MIS18A: variants seen among roughly 807,000 people sequenced by gnomAD.
MIS18A encodes MIS18 kinetochore protein A, also known as protein Mis18-alpha.
MIS18A carries 14 observed loss-of-function variants against 25.0 expected under a neutral mutation model. The ratio of observed to expected loss-of-function variants is 0.56; its 90% CI spans 0.37 to 0.88. The LOEUF is 0.88. Among genes scored for constraint, MIS18A ranks in the 40% least tolerant of loss-of-function variants. MIS18A has a pLI of 0.00. For synonymous variants in MIS18A, 134 were observed against 118.6 expected, an observed-to-expected ratio of 1.13 and a Z score of -0.84; for missense variants, 292 against 290.8, an observed-to-expected ratio of 1.00 and a Z score of -0.03.
At chr21:32,231,299 A>T in the MIS18A span, among the ~76,000 whole-genome samples, 5 of 152,216 alleles carry the variant, frequency 3.3e-5, no homozygotes, top group Admixed American at 2.0e-4. Context: ...CACATATCTG[A>T]TAAAGACTTG....
At chr21:32,158,719 C>T in the MIS18A span, among the ~76,000 whole-genome samples, 1 of 152,166 alleles carries the variant, frequency 6.6e-6, no homozygotes, top group Non-Finnish European at 1.5e-5. Context: ...AGGTGATCTG[C>T]CTGCCTTGGC....
At chr21:32,270,303 TG>T (rs1243376769) in intron 3 of MIS18A, 103 bp downstream of exon 3, 32 of 1,360,876 alleles carry the variant, frequency 2.4e-5, no homozygotes, top group Non-Finnish European at 3.2e-5. Flanking sequence ...AATCATTACT[TG>T]AAAATATATT....
chr21:32,252,556 T>C, the MIS18A span, among the ~76,000 whole-genome samples: 78,492 of 151,990 alleles, frequency 0.52, 21,820 homozygotes, highest in African/African-American at 0.73. Flanking sequence ...TTTAATGTAG[T>C]ATTTATTCAT....
the MIS18A span, among the ~76,000 whole-genome samples, chr21:32,259,217 G>C: frequency 1.5e-4 from 23 of 152,138 alleles, no homozygotes; most frequent in African/African-American, 5.5e-4. Flanking sequence ...CCCACCCTGA[G>C]AGTGGCCAGG....
chr21:32,252,290 AGAG>A, the MIS18A span, among the ~76,000 whole-genome samples: 316 of 142,916 alleles, frequency 2.2e-3, 1 homozygote, highest in Middle Eastern at 7.5e-3. Context: ...GGAAGAGAGA[AGAG>A]GAGGAGGAAA....
the MIS18A span, among the ~76,000 whole-genome samples, chr21:32,206,048 TC>T: frequency 2.0e-5 from 3 of 152,036 alleles, no homozygotes; most frequent in Non-Finnish European, 2.9e-5. Context: ...AATCCAGTGG[TC>T]CCCCCATCCA....
In MIS18A at chr21:32,278,742, C is replaced by T. The variant is rs761282245; in HGVS notation, c.273G>A (p.Pro91=). The change falls in exon 1 of 5, where the codon CCG becomes CCA. Residue 91 remains proline, a synonymous_variant. Coordinates refer to ENST00000290130, the MANE Select transcript of MIS18A (RefSeq NM_018944.3). ...LVFLCSGCRR[P]LGDSLSWVAS... ...CCACCCAGCTCAGCGAGTCGCCCAG[C>T]GGCCGCCGGCAGCCGGAGCACAGGA... 1 of 1,578,324 alleles carries T rather than the reference C, an allele frequency of 6.3e-7. No individual in the cohort carries two copies. Among genetic ancestry groups the T allele is most frequent in the Non-Finnish European group, 8.6e-7 (1 of 1,168,552 alleles).
At chr21:32,239,467 A>AT in the MIS18A span, among the ~76,000 whole-genome samples, 1 of 152,186 alleles carries the variant, frequency 6.6e-6, no homozygotes, top group Non-Finnish European at 1.5e-5. Context: ...AATCCCAATC[A>AT]TTTTCACCCA....
chr21:32,167,747 CTCT>C, the MIS18A span, among the ~76,000 whole-genome samples: 2 of 152,136 alleles, frequency 1.3e-5, no homozygotes, highest in Non-Finnish European at 2.9e-5. Context: ...GTATTACAAA[CTCT>C]AAGCAAAGCA....
chr21:32,270,193 TCA>T (rs576452819), intron 3 of MIS18A, among the ~76,000 whole-genome samples: 26 of 151,900 alleles, frequency 1.7e-4, no homozygotes, highest in Non-Finnish European at 2.5e-4. Flanking sequence ...AAAAATTTTC[TCA>T]CAGTGTTTTC....
At chr21:32,252,590 A>G in the MIS18A span, among the ~76,000 whole-genome samples, 2 of 152,110 alleles carry the variant, frequency 1.3e-5, no homozygotes, top group Admixed American at 6.5e-5. Flanking sequence ...GAATGAGTGT[A>G]CTCTCATCCC....
the MIS18A span, among the ~76,000 whole-genome samples, chr21:32,173,294 C>T: frequency 6.6e-6 from 1 of 152,062 alleles, no homozygotes; most frequent in African/African-American, 2.4e-5. Flanking sequence ...TCGACCATAA[C>T]AAATGGGGGC....
the MIS18A span, among the ~76,000 whole-genome samples, chr21:32,214,170 C>T: frequency 1.3e-5 from 2 of 152,160 alleles, no homozygotes; most frequent in African/African-American, 2.4e-5. Flanking sequence ...TGACCCCACA[C>T]CCCACCTCTC....
chr21:32,225,025 GGGAAA>G, the MIS18A span, among the ~76,000 whole-genome samples: 832 of 141,730 alleles, frequency 5.9e-3, 11 homozygotes, highest in African/African-American at 0.02. Flanking sequence ...ACAAGCAGTG[GGGAAA>G]GGATTCCCTA....
At chr21:32,250,192 T>C in the MIS18A span, among the ~76,000 whole-genome samples, 29,444 of 152,002 alleles carry the variant, frequency 0.19, 3,065 homozygotes, top group East Asian at 0.24. Flanking sequence ...TTTTTCCAAA[T>C]TGGAAATCTT....
At chr21:32,263,649 T>A (rs2031546367), downstream of MIS18A, among the ~76,000 whole-genome samples, 1 of 151,906 alleles carries the variant, frequency 6.6e-6, no homozygotes, top group South Asian at 2.1e-4. Flanking sequence ...TAAAAAAAAA[T>A]GAGTTTCATT....
At chr21:32,229,606 C>T in the MIS18A span, among the ~76,000 whole-genome samples, 1 of 152,254 alleles carries the variant, frequency 6.6e-6, no homozygotes, top group Admixed American at 6.5e-5. Context: ...GGTCCCGCAT[C>T]TTTGCCAAAT....
At chr21:32,235,439 C>T in the MIS18A span, among the ~76,000 whole-genome samples, 1 of 152,174 alleles carries the variant, frequency 6.6e-6, no homozygotes, top group Non-Finnish European at 1.5e-5. Context: ...CTCCCTTCCT[C>T]CAAAGAGCCC....
At chr21:32,157,417 G>C in the MIS18A span, among the ~76,000 whole-genome samples, 5 of 151,660 alleles carry the variant, frequency 3.3e-5, no homozygotes, top group Non-Finnish European at 7.4e-5. Context: ...TTGTTCAGTA[G>C]TGAGCTCTGG....
Sources: gnomAD v4.1 joint callset for allele counts (sites outside exome capture counted in the v4.1 genomes callset) on GRCh38, gnomAD v4.1.1 for gene constraint, MANE v1.5 for transcripts, NCBI Gene and HGNC (gene_info 2026-07-23, HGNC 2026-07-21) for gene names.